The following CNMD variants were observed in gnomAD, a reference collection of about 807,000 sequenced individuals.
CNMD encodes leukocyte cell-derived chemotaxin 1.
CNMD carries 30 observed loss-of-function variants against 37.5 expected under a neutral mutation model. The observed-to-expected ratio is 0.80, with a 90% CI of 0.60 to 1.09. CNMD has a LOEUF of 1.09. CNMD is among the 50% of genes least tolerant of loss of function. The probability of loss-of-function intolerance (pLI) is 0.00; values close to 1 mark genes in which losing one functional copy is unlikely to be tolerated. For synonymous variants in CNMD, 167 were observed against 148.2 expected (o/e 1.13, Z -0.92); for missense variants, 398 against 423.9 (o/e 0.94, Z 0.54).
chr13:52,733,977 G>T (rs550792688), intron 2 of CNMD, among the ~76,000 whole-genome samples: 57 of 152,352 alleles, frequency 3.7e-4, no homozygotes, highest in Admixed American at 1.6e-3. Context: ...AGCAGCATGT[G>T]TGGAGAGGAA....
intron 3 of CNMD, among the ~76,000 whole-genome samples, chr13:52,728,247 G>A (rs1223441000): frequency 1.3e-5 from 2 of 152,020 alleles, no homozygotes; most frequent in African/African-American, 2.4e-5. Flanking sequence ...TTAGTTGGGC[G>A]TGGTGGCGTG....
chr13:52,712,751 A>T lies in CNMD; in HGVS notation c.587T>A (p.Leu196His), dbSNP rs955061745. The change falls in exon 5 of 7, where the codon CTT becomes CAT. Residue 196 changes from leucine to histidine, a missense_variant. Physicochemically the swap from Leu to His is moderately conservative, Grantham distance 99. Coordinates refer to ENST00000377962, the MANE Select transcript of CNMD (RefSeq NM_007015.3). ...SSKVLELCGD[L>H]PIFWLKPTYP... Reference sequence around the variant, plus strand: ...GGTTGGTTTAAGCCAGAAAATAGGAAGGTCACCGCAGAGTTCTAACACCTT... The same window carrying T: ...GGTTGGTTTAAGCCAGAAAATAGGATGGTCACCGCAGAGTTCTAACACCTT... 16 of 1,537,364 alleles carry T rather than the reference A, an allele frequency of 1.0e-5. No homozygotes were observed. The highest frequency in any genetic ancestry group is 1.4e-5 in the Non-Finnish European group (16 of 1,141,924).
intron 6 of CNMD, among the ~76,000 whole-genome samples, chr13:52,706,735 GTGTA>G (rs3079545): frequency 0.87 from 128,789 of 148,556 alleles, 55,186 homozygotes; most frequent in East Asian, 0.98. Context: ...GTGTGTGTGT[GTGTA>G]TGTGTGTGTG....
intron 4 of CNMD, among the ~76,000 whole-genome samples, chr13:52,717,326 C>G (rs751180731): frequency 6.6e-6 from 1 of 152,170 alleles, no homozygotes; most frequent in Non-Finnish European, 1.5e-5. Flanking sequence ...TATTAGAATA[C>G]ACTTTATTTC....
intron 6 of CNMD, among the ~76,000 whole-genome samples, chr13:52,706,721 A>G (rs1249001397): frequency 1.3e-5 from 1 of 79,222 alleles, no homozygotes; most frequent in African/African-American, 4.9e-5. Flanking sequence ...GTTTTGTGTT[A>G]AAAGTGTGTG....
In CNMD at chr13:52,739,739, T is replaced by A; in HGVS notation, c.-38A>T. The A allele has an allele frequency of 1.3e-6, 2 of 1,542,246 alleles. No homozygotes were observed. The highest frequency in any genetic ancestry group is 1.8e-6 in the Non-Finnish European group (2 of 1,115,172). On this transcript the variant is annotated 5_prime_UTR_variant, in exon 1 of 7. Transcript: ENST00000377962. This position sits in a 1 kb window ranked among gnomAD's most constrained non-coding sequence, Gnocchi z 5.4. Reference sequence around the variant, plus strand: ...AGGAGTGAGGCACTTGGAGACTCCCTGGGCACCCTGGGATCTGTCCCGCTG... The same window carrying A: ...AGGAGTGAGGCACTTGGAGACTCCCAGGGCACCCTGGGATCTGTCCCGCTG...
At chr13:52,708,727 C>G (rs770625771) in intron 5 of CNMD, 25 bp from the exon 6 acceptor site, 12 of 1,541,648 alleles carry the variant, frequency 7.8e-6, no homozygotes, top group Non-Finnish European at 9.7e-6. Flanking sequence ...GTAAATTAAT[C>G]CCTTTATTTG....
chr13:52,706,178 A>T (rs1239018426), intron 6 of CNMD, among the ~76,000 whole-genome samples: 1 of 152,206 alleles, frequency 6.6e-6, no homozygotes, highest in Non-Finnish European at 1.5e-5. Context: ...AACAACCAGG[A>T]GATAGAATTT....
rs199528727 is a variant in CNMD at position 52,739,016 on chromosome 13, G to T, written c.213+15C>A. 135 of 1,552,972 alleles carry T rather than the reference G, an allele frequency of 8.7e-5. No individual in the cohort carries two copies. The African/African-American group carries it at 1.5e-3, about 18-fold the overall frequency. ...GGCGACACGGGGGTCCCCGCGCGCCGCCCTCTGGACTTACGTGACTGTCGC... is the reference window on the plus strand; with the variant it reads ...GGCGACACGGGGGTCCCCGCGCGCCTCCCTCTGGACTTACGTGACTGTCGC... On this transcript the variant is annotated intron_variant, in intron 2 of 6. Coordinates refer to ENST00000377962, the MANE Select transcript of CNMD (RefSeq NM_007015.3). The surrounding 1 kb of genome is among the most constrained non-coding windows in gnomAD (Gnocchi z 5.4).
intron 6 of CNMD, among the ~76,000 whole-genome samples, chr13:52,708,074 A>C (rs886207388): frequency 3.9e-5 from 6 of 152,170 alleles, no homozygotes; most frequent in Admixed American, 6.5e-5. Flanking sequence ...ACAACAACAA[A>C]AAAACAACTT....
chr13:52,703,691 A>G lies in CNMD; in HGVS notation c.909T>C (p.Tyr303=). The change falls in exon 7 of 7, where the codon TAT becomes TAC. Residue 303 remains tyrosine, a synonymous_variant. Transcript: ENST00000377962. ...CQKICEPLGG[Y]YPWPYNYQGC... Reference sequence around the variant, plus strand: ...CTTGATAATTATAAGGCCATGGGTAATAGCCCCCCAGGGGTTCACAGATCT... The same window carrying G: ...CTTGATAATTATAAGGCCATGGGTAGTAGCCCCCCAGGGGTTCACAGATCT... 11 of 1,614,082 alleles carry G rather than the reference A, an allele frequency of 6.8e-6. No homozygotes were observed. The highest frequency in any genetic ancestry group is 9.3e-6 in the Non-Finnish European group (11 of 1,179,932).
At position 52,739,056 on chromosome 13, in the gene CNMD, T is replaced by C. The variant is rs1332073308; in HGVS notation, c.188A>G (p.Tyr63Cys). The C allele has an allele frequency of 3.8e-6, 6 of 1,579,036 alleles. No individual in the cohort carries two copies. The highest frequency in any genetic ancestry group is 4.3e-6 in the Non-Finnish European group (5 of 1,166,022). The change falls in exon 2 of 7, where the codon TAC becomes TGC. Residue 63 changes from tyrosine (Y) to cysteine (C), a missense_variant. Coordinates refer to ENST00000377962, the MANE Select transcript of CNMD (RefSeq NM_007015.3). This position sits in a 1 kb window ranked among gnomAD's most constrained non-coding sequence, Gnocchi z 5.4. ...GTGACTGTCGCTCCCCTTCCAGAAG[T>C]AGAAGGCCCCGATGGCCCCAAAGAG... ...LLLFGAIGAFYFWKGSDSHIY... is the reference protein window; with the variant it reads ...LLLFGAIGAFCFWKGSDSHIY...
chr13:52,736,035 C>G (rs1270446735), intron 2 of CNMD, among the ~76,000 whole-genome samples: 6 of 151,334 alleles, frequency 4.0e-5, no homozygotes, highest in East Asian at 3.9e-4. Flanking sequence ...GCTCTGTCGC[C>G]CAGGCTGGAG....
At chr13:52,732,624 C>T (rs1411619180) in intron 3 of CNMD, among the ~76,000 whole-genome samples, 1 of 152,140 alleles carries the variant, frequency 6.6e-6, no homozygotes, top group Non-Finnish European at 1.5e-5. Flanking sequence ...GAAAAGTATG[C>T]AAATAGATCC....
In CNMD at chr13:52,739,049, C is replaced by T; in HGVS notation, c.195G>A (p.Trp65Ter). ...GACTTACGTGACTGTCGCTCCCCTT[C>T]CAGAAGTAGAAGGCCCCGATGGCCC... The part of the protein sequence containing the change: ...LFGAIGAFYF[W>*]KGSDSHIYNV... The change falls in exon 2 of 7, where the codon TGG becomes TGA. Residue 65 changes from tryptophan (W) to a stop codon, truncating the protein, a stop_gained. Transcript: ENST00000377962. LOFTEE classifies it high-confidence loss of function. This position sits in a 1 kb window ranked among gnomAD's most constrained non-coding sequence, Gnocchi z 5.4. The T allele has an allele frequency of 6.3e-7, 1 of 1,580,508 alleles. No individual in the cohort carries two copies. The highest frequency in any genetic ancestry group is 1.1e-5 in the South Asian group (1 of 88,780).
chr13:52,723,335 T>G (rs1255442332), intron 4 of CNMD, among the ~76,000 whole-genome samples: 1 of 152,066 alleles, frequency 6.6e-6, no homozygotes, highest in African/African-American at 2.4e-5. Flanking sequence ...TTAAATGAAC[T>G]GCCCACCTCG....
In CNMD at chr13:52,703,315, TACAA is replaced by T. The variant is rs1566214317; in HGVS notation, c.*276_*279del. On this transcript the variant is annotated 3_prime_UTR_variant, in exon 7 of 7. Coordinates refer to ENST00000377962, the MANE Select transcript of CNMD (RefSeq NM_007015.3). The stretch of plus-strand genomic sequence containing the variant: ...TTTATTTCAAAATAGCTTTGGAAGA[TACAA>T]GCAAGGGAAGACTTATGGCAAAGCA... 2 of 303,754 alleles carry T rather than the reference TACAA, an allele frequency of 6.6e-6. No individual in the cohort carries two copies. Among genetic ancestry groups the T allele is most frequent in the South Asian group, 1.0e-4 (1 of 9,664 alleles). 18.8% of individuals were successfully genotyped at this position (303,754 alleles called of 1,614,324 possible).
rs1041126552 is a variant in CNMD at position 52,722,556 on chromosome 13, G to C, written c.468+1441C>G. 2.6e-5 allele frequency among the ~76,000 whole-genome samples: 4 copies of C among 152,098 alleles called. No homozygotes were observed. The South Asian group carries it at 8.3e-4, about 32-fold the overall frequency. ...AGCTTACAGATGACAATATCCATAG[G>C]GAGTATGAGAGCTGAGATGTAAATC... is the stretch of plus-strand genomic sequence containing the variant. On this transcript the variant is annotated intron_variant, in intron 4 of 6. Transcript: ENST00000377962.
intron 2 of CNMD, among the ~76,000 whole-genome samples, chr13:52,735,188 G>A (rs1964735442): frequency 6.6e-6 from 1 of 152,124 alleles, no homozygotes; most frequent in Non-Finnish European, 1.5e-5. Flanking sequence ...GCCAGGTTTG[G>A]GAAACCTGTT....
Sources: gnomAD v4.1 joint callset for allele counts (sites outside exome capture counted in the v4.1 genomes callset) on GRCh38, gnomAD v4.1.1 for gene constraint, Gnocchi (gnomAD v3.1) non-coding constraint, MANE v1.5 for transcripts, NCBI Gene and HGNC (gene_info 2026-07-23, HGNC 2026-07-21) for gene names.